The following HSD17B12 variants were observed in gnomAD, a reference collection of about 807,000 sequenced individuals.
HSD17B12 encodes the protein very-long-chain 3-oxoacyl-CoA reductase.
Under a neutral mutation model 39.3 loss-of-function variants are expected in HSD17B12, and 32 were observed. That is an observed-to-expected ratio of 0.81 (90% CI 0.61 to 1.09). HSD17B12 has a LOEUF of 1.09. Ranked by LOEUF, HSD17B12 falls within the 50% of genes least tolerant of loss-of-function variation. HSD17B12 has a pLI of 0.00. For synonymous variants in HSD17B12, 150 were observed against 146.7 expected (o/e 1.02, Z -0.16); for missense variants, 342 against 382.9 (o/e 0.89, Z 0.89).
chr11:43,817,456 C>G (rs1267517122), intron 6 of HSD17B12, among the ~76,000 whole-genome samples: 3 of 152,080 alleles, frequency 2.0e-5, no homozygotes, highest in South Asian at 4.1e-4. Flanking sequence ...CCAATGATAT[C>G]TTTTAGAATT....
At chr11:43,776,738 G>T (rs1950708688) in intron 3 of HSD17B12, among the ~76,000 whole-genome samples, 1 of 152,118 alleles carries the variant, frequency 6.6e-6, no homozygotes, top group Non-Finnish European at 1.5e-5. Flanking sequence ...TACGGTTTTA[G>T]GTCTAACGTT....
chr11:43,655,426 G>A, the HSD17B12 span, among the ~76,000 whole-genome samples: 1 of 152,170 alleles, frequency 6.6e-6, no homozygotes, highest in African/African-American at 2.4e-5. Context: ...GCCCTCGCCA[G>A]AACTTCCAAC....
the HSD17B12 span, among the ~76,000 whole-genome samples, chr11:43,637,780 A>G: frequency 1.3e-5 from 2 of 152,220 alleles, no homozygotes; most frequent in African/African-American, 2.4e-5. Context: ...TGAGCTAGGA[A>G]GGTGCATGTA....
At chr11:43,765,765 AG>A (rs1187221070) in intron 3 of HSD17B12, among the ~76,000 whole-genome samples, 6 of 152,158 alleles carry the variant, frequency 3.9e-5, no homozygotes, top group Non-Finnish European at 8.8e-5. Flanking sequence ...TAATTCTGTT[AG>A]TGTATTTTAA....
chr11:43,644,337 C>A, the HSD17B12 span: 2 of 152,186 alleles, frequency 1.3e-5, no homozygotes, highest in Non-Finnish European at 2.9e-5. Context: ...CCACCAACAG[C>A]CCCCCAGGTT....
chr11:43,777,079 G>T (rs1950713478), intron 3 of HSD17B12, among the ~76,000 whole-genome samples: 2 of 152,130 alleles, frequency 1.3e-5, no homozygotes, highest in Admixed American at 1.3e-4. Flanking sequence ...GGATTGACTT[G>T]GCAATGTGGG....
At chr11:43,734,524 A>G in intron 1 of HSD17B12, 5 of 601,278 alleles carry the variant, frequency 8.3e-6, no homozygotes, top group East Asian at 4.1e-5. Flanking sequence ...AATATCACCT[A>G]CCTGCCAGCA....
intron 3 of HSD17B12, among the ~76,000 whole-genome samples, chr11:43,784,909 T>A (rs1950801508): frequency 1.3e-5 from 2 of 152,182 alleles, no homozygotes; most frequent in Non-Finnish European, 2.9e-5. Flanking sequence ...CAGAACTTTT[T>A]AAACGCCAGA....
At chr11:43,687,681 A>G (rs558196891) in intron 1 of HSD17B12, among the ~76,000 whole-genome samples, 5 of 152,344 alleles carry the variant, frequency 3.3e-5, no homozygotes, top group South Asian at 2.1e-4. Flanking sequence ...GTGCCATGGA[A>G]CTGGAGAGGC....
At chr11:43,664,303 G>A in the HSD17B12 span, among the ~76,000 whole-genome samples, 2 of 152,206 alleles carry the variant, frequency 1.3e-5, no homozygotes, top group African/African-American at 4.8e-5. Flanking sequence ...CTCATTTGCA[G>A]TTTGAGTAAG....
intron 1 of HSD17B12, among the ~76,000 whole-genome samples, chr11:43,705,893 G>A (rs1286162146): frequency 6.6e-6 from 1 of 150,554 alleles, no homozygotes; most frequent in Admixed American, 6.6e-5. Flanking sequence ...CTCTCTAGTA[G>A]CTGGAACTGC....
At chr11:43,790,669 A>G (rs1950859242) in intron 3 of HSD17B12, among the ~76,000 whole-genome samples, 1 of 152,204 alleles carries the variant, frequency 6.6e-6, no homozygotes, top group Non-Finnish European at 1.5e-5. Context: ...TCATCATGCT[A>G]ATTAGAATGG....
At chr11:43,594,868 C>G in the HSD17B12 span, among the ~76,000 whole-genome samples, 1 of 151,806 alleles carries the variant, frequency 6.6e-6, no homozygotes, top group Non-Finnish European at 1.5e-5. Flanking sequence ...TTTCCTTTTT[C>G]TTATTTAAAC....
chr11:43,735,006 T>C (rs987320146), intron 1 of HSD17B12, among the ~76,000 whole-genome samples: 3 of 152,244 alleles, frequency 2.0e-5, no homozygotes, highest in African/African-American at 7.2e-5. Context: ...ATTCTGGATG[T>C]TTCGTGTAAA....
At chr11:43,825,109 TGG>T (rs1329143030) in intron 6 of HSD17B12, among the ~76,000 whole-genome samples, 2 of 149,096 alleles carry the variant, frequency 1.3e-5, no homozygotes, top group Non-Finnish European at 3.0e-5. Flanking sequence ...CCAGCCTGGC[TGG>T]CAGAGTGAGA....
intron 4 of HSD17B12, 75 bp downstream of exon 4, chr11:43,798,502 TA>T: frequency 1.1e-6 from 1 of 880,026 alleles, no homozygotes. Context: ...TGTTAAGTGG[TA>T]AAATGACTAG....
At chr11:43,734,484 AG>A in intron 1 of HSD17B12, 1 of 646,504 alleles carries the variant, frequency 1.5e-6, no homozygotes, top group Non-Finnish European at 2.8e-6. Flanking sequence ...GAAGTCGTGG[AG>A]GACATTGCAT....
At chr11:43,738,107 C>A (rs1489071865) in intron 1 of HSD17B12, among the ~76,000 whole-genome samples, 1 of 149,306 alleles carries the variant, frequency 6.7e-6, no homozygotes, top group African/African-American at 2.5e-5. Context: ...GGTAATTTAG[C>A]ATGTTTGGTA....
intron 1 of HSD17B12, among the ~76,000 whole-genome samples, chr11:43,722,243 A>T (rs1245338203): frequency 6.6e-6 from 1 of 152,174 alleles, no homozygotes; most frequent in Non-Finnish European, 1.5e-5. Context: ...TGAAAATGAA[A>T]ACTCCTAAAG....
Sources: allele counts gnomAD v4.1 joint callset (sites outside exome capture counted in the v4.1 genomes callset), GRCh38; gene constraint gnomAD v4.1.1; transcripts MANE v1.5; gene names NCBI Gene and HGNC (gene_info 2026-07-23, HGNC 2026-07-21).